SETBP1: variants seen among roughly 807,000 people sequenced by gnomAD.
The protein encoded by SETBP1 is SET-binding protein.
SETBP1 carries 9 observed loss-of-function variants against 101.0 expected under a neutral mutation model. The observed-to-expected ratio is 0.09, with a 90% CI of 0.05 to 0.16. The LOEUF (loss-of-function observed/expected upper bound fraction) is 0.16, where lower values mean the gene tolerates loss of function less well. SETBP1 is among the 10% of genes least tolerant of loss of function. SETBP1 has a pLI of 1.00. For synonymous variants in SETBP1, 818 were observed against 788.5 expected (o/e 1.04, Z -0.63); for missense variants, 1,858 against 2,033.8 (o/e 0.91, Z 1.66).
chr18:44,876,757 C>T (rs2069415761), intron 3 of SETBP1: 1 of 1,513,652 alleles, frequency 6.6e-7, no homozygotes, highest in Non-Finnish European at 8.9e-7. Context: ...AGTATAACTT[C>T]GCATGGATTC....
intron 2 of SETBP1, among the ~76,000 whole-genome samples, chr18:44,708,598 C>T (rs558712609): frequency 6.6e-6 from 1 of 152,254 alleles, no homozygotes; most frequent in South Asian, 2.1e-4. Context: ...GAGCATTGGA[C>T]ATGTCAGCTG....
chr18:45,022,098 T>C (rs1474914067), intron 4 of SETBP1, among the ~76,000 whole-genome samples: 1 of 152,160 alleles, frequency 6.6e-6, no homozygotes, highest in Non-Finnish European at 1.5e-5. Context: ...GGAGCAGATT[T>C]TGTCCCAAGT....
chr18:44,725,403 G>C (rs142712720), intron 2 of SETBP1, among the ~76,000 whole-genome samples: 5 of 152,116 alleles, frequency 3.3e-5, no homozygotes, highest in Admixed American at 6.5e-5. Context: ...AACTGGGTTG[G>C]GGGGTGTGTG....
intron 3 of SETBP1, among the ~76,000 whole-genome samples, chr18:44,944,996 A>AT (rs1056538148): frequency 6.6e-6 from 1 of 151,996 alleles, no homozygotes; most frequent in East Asian, 1.9e-4. Flanking sequence ...CACACACTTT[A>AT]TTTTTTTATA....
chr18:44,684,421 C>T (rs186045120), intron 1 of SETBP1, among the ~76,000 whole-genome samples: 14 of 151,986 alleles, frequency 9.2e-5, no homozygotes, highest in African/African-American at 2.2e-4. Context: ...CCCTTTTTAC[C>T]GAACTTTCTA....
At chr18:44,736,116 G>A (rs889895024) in intron 2 of SETBP1, among the ~76,000 whole-genome samples, 10 of 152,192 alleles carry the variant, frequency 6.6e-5, no homozygotes, top group African/African-American at 2.4e-4. Context: ...TGGGCATAGT[G>A]GCTCATGCCT....
At chr18:44,765,588 T>C (rs576568652) in intron 2 of SETBP1, among the ~76,000 whole-genome samples, 16 of 152,342 alleles carry the variant, frequency 1.1e-4, no homozygotes, top group African/African-American at 2.9e-4. Flanking sequence ...ATCCAGTTTA[T>C]GTTGGCACAG....
intron 2 of SETBP1, among the ~76,000 whole-genome samples, chr18:44,852,044 C>T (rs1157173412): frequency 1.3e-5 from 2 of 152,336 alleles, no homozygotes; most frequent in East Asian, 1.9e-4. Flanking sequence ...CACACAATAA[C>T]CTCAGCACCG....
At chr18:45,046,078 C>A (rs1414312959) in intron 5 of SETBP1, among the ~76,000 whole-genome samples, 1 of 151,110 alleles carries the variant, frequency 6.6e-6, no homozygotes, top group Non-Finnish European at 1.5e-5. Context: ...GCTCATTGAT[C>A]ATTGATTCCT....
At chr18:44,948,656 G>T (rs1229386051) in intron 3 of SETBP1, among the ~76,000 whole-genome samples, 1 of 152,148 alleles carries the variant, frequency 6.6e-6, no homozygotes, top group Non-Finnish European at 1.5e-5. Flanking sequence ...AATGCATCCT[G>T]TAAGTTTACT....
At chr18:44,784,728 T>G (rs1178482023) in intron 2 of SETBP1, among the ~76,000 whole-genome samples, 2 of 152,210 alleles carry the variant, frequency 1.3e-5, no homozygotes, top group Non-Finnish European at 2.9e-5. Flanking sequence ...AGGAGGTTAG[T>G]GCATGTTGAC....
At chr18:44,905,654 C>A (rs924641093) in intron 3 of SETBP1, among the ~76,000 whole-genome samples, 1 of 152,140 alleles carries the variant, frequency 6.6e-6, no homozygotes, top group Non-Finnish European at 1.5e-5. Context: ...TGCAACAAGC[C>A]ACAACATTCA....
At chr18:45,011,302 TAAAC>T (rs1305989511) in intron 4 of SETBP1, among the ~76,000 whole-genome samples, 1 of 152,110 alleles carries the variant, frequency 6.6e-6, no homozygotes, top group African/African-American at 2.4e-5. Flanking sequence ...GGTCAGTGAT[TAAAC>T]AAATAAACCA....
intron 5 of SETBP1, among the ~76,000 whole-genome samples, chr18:45,052,687 G>C (rs72896886): frequency 0.12 from 18,941 of 152,128 alleles, 1,379 homozygotes; most frequent in South Asian, 0.24. Context: ...GGAGAAAGTC[G>C]AAAGCAATTG....
chr18:45,036,138 C>T (rs971628635), intron 4 of SETBP1, among the ~76,000 whole-genome samples: 1 of 152,046 alleles, frequency 6.6e-6, no homozygotes, highest in Non-Finnish European at 1.5e-5. Context: ...TCGAGACCAT[C>T]CTGGCCAACA....
intron 2 of SETBP1, among the ~76,000 whole-genome samples, chr18:44,865,390 A>G (rs2069106596): frequency 6.6e-6 from 1 of 152,134 alleles, no homozygotes; most frequent in Admixed American, 6.5e-5. Context: ...CCAGTTTCCC[A>G]GCAGAGGTGG....
At chr18:44,847,037 C>T (rs909053792) in intron 2 of SETBP1, among the ~76,000 whole-genome samples, 20 of 152,212 alleles carry the variant, frequency 1.3e-4, no homozygotes, top group African/African-American at 4.8e-4. Flanking sequence ...CAGACTAGGG[C>T]CTCCTGAATG....
intron 2 of SETBP1, among the ~76,000 whole-genome samples, chr18:44,706,591 C>CAAAAAAAAAAAAAAAAAAA (rs1018470585): frequency 5.9e-5 from 1 of 16,972 alleles, no homozygotes; most frequent in Non-Finnish European, 9.8e-5. Context: ...GACTCAATCT[C>CAAAAAAAAAAAAAAAAAAA]AAAAAAAAAA....
intron 3 of SETBP1, among the ~76,000 whole-genome samples, chr18:44,940,052 A>T (rs1307446661): frequency 1.3e-5 from 2 of 152,178 alleles, no homozygotes; most frequent in African/African-American, 4.8e-5. Flanking sequence ...TTGAAGTTCT[A>T]TGGTGAGGGA....
Sources: allele counts gnomAD v4.1 joint callset (sites outside exome capture counted in the v4.1 genomes callset), GRCh38; gene constraint gnomAD v4.1.1; transcripts MANE v1.5; gene names NCBI Gene and HGNC (gene_info 2026-07-23, HGNC 2026-07-21).